The following CUEDC1 variants were observed in gnomAD, a reference collection of about 807,000 sequenced individuals.
The protein encoded by CUEDC1 is CUE domain containing 1.
Under a neutral mutation model 43.7 loss-of-function variants are expected in CUEDC1, and 30 were observed. That is an observed-to-expected ratio of 0.69 (90% CI 0.51 to 0.93). The LOEUF is 0.93. Ranked by LOEUF, CUEDC1 falls within the 40% of genes least tolerant of loss-of-function variation. The pLI, the probability that CUEDC1 is intolerant of heterozygous loss-of-function variation, is 0.00. For synonymous variants in CUEDC1, 223 were observed against 223.6 expected, an observed-to-expected ratio of 1.00 and a Z score of 0.02; for missense variants, 486 against 549.0, an observed-to-expected ratio of 0.89 and a Z score of 1.15.
At chr17:57,941,119 A>C (rs1263263089) in intron 1 of CUEDC1, among the ~76,000 whole-genome samples, 2 of 152,240 alleles carry the variant, frequency 1.3e-5, no homozygotes, top group African/African-American at 4.8e-5. Flanking sequence ...AGGAGGAGTC[A>C]TCAAGAGAGC....
chr17:57,897,602 G>A (rs954249044), intron 1 of CUEDC1, among the ~76,000 whole-genome samples: 3 of 151,406 alleles, frequency 2.0e-5, no homozygotes, highest in Non-Finnish European at 4.4e-5. Flanking sequence ...CCCAGGAGGC[G>A]GAGCTTGCAG....
intron 2 of CUEDC1, among the ~76,000 whole-genome samples, chr17:57,881,381 T>C (rs2074201759): frequency 6.6e-6 from 1 of 152,196 alleles, no homozygotes; most frequent in African/African-American, 2.4e-5. Flanking sequence ...TTACCCTAAA[T>C]TTCCACAAGA....
intron 9 of CUEDC1, chr17:57,866,897 T>G (rs971495140): frequency 3.7e-5 from 13 of 354,068 alleles, no homozygotes; most frequent in African/African-American, 2.7e-4. Context: ...GAATGTGGCA[T>G]GAGGATCAGG....
intron 5 of CUEDC1, 105 bp downstream of exon 5, chr17:57,872,558 C>T (rs2074048721): frequency 7.8e-7 from 1 of 1,283,868 alleles, no homozygotes; most frequent in Non-Finnish European, 1.1e-6. Context: ...CAGAAAGCAC[C>T]TGGCCCCCTC....
chr17:57,934,760 T>C (rs2074844241), intron 1 of CUEDC1, among the ~76,000 whole-genome samples: 2 of 152,170 alleles, frequency 1.3e-5, no homozygotes, highest in Admixed American at 6.5e-5. Flanking sequence ...CAGGCTGGCA[T>C]GCAGTGGCGT....
intron 1 of CUEDC1, among the ~76,000 whole-genome samples, chr17:57,900,521 C>G (rs1327619596): frequency 6.6e-6 from 1 of 152,238 alleles, no homozygotes; most frequent in East Asian, 1.9e-4. Flanking sequence ...CATCCACCCC[C>G]AGCAATTATG....
At chr17:57,908,967 A>G (rs1020352506) in intron 1 of CUEDC1, among the ~76,000 whole-genome samples, 1 of 152,142 alleles carries the variant, frequency 6.6e-6, no homozygotes, top group Non-Finnish European at 1.5e-5. Context: ...ACTGCACTCC[A>G]GCCTGGGTGA....
At chr17:57,919,474 A>G (rs913816579) in intron 1 of CUEDC1, among the ~76,000 whole-genome samples, 2 of 152,100 alleles carry the variant, frequency 1.3e-5, no homozygotes, top group Admixed American at 1.3e-4. Context: ...GCCCGGCGAT[A>G]TATGTCAATT....
chr17:57,880,394 TA>T (rs548714177), intron 2 of CUEDC1, among the ~76,000 whole-genome samples: 287 of 152,360 alleles, frequency 1.9e-3, no homozygotes, highest in African/African-American at 6.6e-3. Context: ...ACACGCTTTT[TA>T]GAACTGAGTC....
At chr17:57,933,452 C>T (rs534753074) in intron 1 of CUEDC1, among the ~76,000 whole-genome samples, 1 of 152,124 alleles carries the variant, frequency 6.6e-6, no homozygotes, top group Admixed American at 6.5e-5. Flanking sequence ...AGTTCATGAG[C>T]CCCCCTCCAC....
chr17:57,951,092 A>T (rs368164053), intron 1 of CUEDC1, among the ~76,000 whole-genome samples: 180 of 150,336 alleles, frequency 1.2e-3, no homozygotes, highest in African/African-American at 4.2e-3. Context: ...TCATCATTCA[A>T]GAGCCTCACC....
intron 1 of CUEDC1, among the ~76,000 whole-genome samples, chr17:57,901,904 T>C (rs2074476031): frequency 6.6e-6 from 1 of 152,236 alleles, no homozygotes; most frequent in South Asian, 2.1e-4. Context: ...CCGGGCATGG[T>C]GGCTCACACC....
At position 57,914,213 on chromosome 17, in the gene CUEDC1, A is replaced by G. The variant is rs149114567; in HGVS notation, c.-315-28334T>C. Among the ~76,000 whole-genome samples, 145 of 152,320 alleles carry G rather than the reference A, an allele frequency of 9.5e-4. 2 individuals are homozygous for G. The East Asian group carries it at 0.026, about 27-fold the overall frequency. ...AGGGAGAGGAGGAGATTTTAAATCA[A>G]ACAGTTATCCTAGGCACATTTTTCA... On this transcript the variant is annotated intron_variant, in intron 1 of 10. Coordinates refer to ENST00000577830, the MANE Select transcript of CUEDC1 (RefSeq NM_001271875.2).
intron 1 of CUEDC1, among the ~76,000 whole-genome samples, chr17:57,907,249 A>G (rs964584122): frequency 6.6e-6 from 1 of 152,208 alleles, no homozygotes; most frequent in African/African-American, 2.4e-5. Flanking sequence ...GCGTTATGAT[A>G]CGCTAGGAAA....
intron 2 of CUEDC1, among the ~76,000 whole-genome samples, chr17:57,884,020 G>A (rs1372648454): frequency 6.6e-6 from 1 of 152,036 alleles, no homozygotes; most frequent in Admixed American, 6.6e-5. Context: ...GGTGGGTACT[G>A]ATGCAGTACG....
intron 1 of CUEDC1, among the ~76,000 whole-genome samples, chr17:57,950,568 G>A (rs1598030846): frequency 6.6e-6 from 1 of 151,890 alleles, no homozygotes; most frequent in African/African-American, 2.4e-5. Flanking sequence ...CGCCTCCTGG[G>A]TTCAAGCTAT....
At chr17:57,938,863 T>C (rs1280393259) in intron 1 of CUEDC1, among the ~76,000 whole-genome samples, 4 of 150,876 alleles carry the variant, frequency 2.7e-5, no homozygotes, top group Non-Finnish European at 4.4e-5. Flanking sequence ...GGTTTTTCCA[T>C]GTTGGTCAGG....
chr17:57,926,558 T>G (rs2074749258), intron 1 of CUEDC1, among the ~76,000 whole-genome samples: 1 of 152,092 alleles, frequency 6.6e-6, no homozygotes, highest in South Asian at 2.1e-4. Context: ...TTTGGGAGGC[T>G]GAGGTGAGTG....
At chr17:57,896,488 GTGTGTGTGT>G (rs2074411005) in intron 1 of CUEDC1, among the ~76,000 whole-genome samples, 1 of 36,026 alleles carries the variant, frequency 2.8e-5, no homozygotes, top group Non-Finnish European at 9.7e-5. Flanking sequence ...GCATTATGGG[GTGTGTGTGT>G]GTGTGTGTGT....
Sources: allele counts gnomAD v4.1 joint callset (sites outside exome capture counted in the v4.1 genomes callset), GRCh38; gene constraint gnomAD v4.1.1; transcripts MANE v1.5; gene names NCBI Gene and HGNC (gene_info 2026-07-23, HGNC 2026-07-21).